The following ASAP2 variants were observed in gnomAD, a reference collection of about 807,000 sequenced individuals.
ASAP2 encodes the protein arf-GAP with SH3 domain, ANK repeat and PH domain-containing protein 2.
A neutral mutation model predicts 131.4 loss-of-function variants in ASAP2; 45 were observed. The observed-to-expected ratio is 0.34, with a 90% CI of 0.27 to 0.44. The LOEUF (loss-of-function observed/expected upper bound fraction) is 0.44. ASAP2 is among the 20% of genes least tolerant of loss of function. ASAP2 has a pLI of 1.00. For synonymous variants in ASAP2, 510 were observed against 503.0 expected, an observed-to-expected ratio of 1.01 and a Z score of -0.19; for missense variants, 1,011 against 1,297.0, an observed-to-expected ratio of 0.78 and a Z score of 3.39.
At chr2:9,337,915 A>G (rs566889890) in intron 9 of ASAP2, among the ~76,000 whole-genome samples, 30 of 152,286 alleles carry the variant, frequency 2.0e-4, no homozygotes, top group African/African-American at 6.7e-4. Context: ...TGCAGTGACC[A>G]CCCATAGTGC....
intron 8 of ASAP2, 81 bp downstream of exon 8, chr2:9,334,894 TC>T (rs1671096287): frequency 1.3e-5 from 19 of 1,503,122 alleles, no homozygotes; most frequent in Non-Finnish European, 1.5e-5. Flanking sequence ...TTCTGTGTAA[TC>T]CTGTGTTTTC....
At chr2:9,324,225 C>CAA (rs1670342830) in intron 6 of ASAP2, among the ~76,000 whole-genome samples, 2 of 152,194 alleles carry the variant, frequency 1.3e-5, no homozygotes, top group African/African-American at 4.8e-5. Flanking sequence ...GAGCTTAACC[C>CAA]TTATAAATAC....
chr2:9,378,292 A>C (rs2148728598), intron 18 of ASAP2, among the ~76,000 whole-genome samples: 1 of 152,250 alleles, frequency 6.6e-6, no homozygotes, highest in Admixed American at 6.5e-5. Flanking sequence ...GGCCTGTCCC[A>C]TGTCTGCCAA....
intron 16 of ASAP2, among the ~76,000 whole-genome samples, chr2:9,369,086 T>C (rs1253193692): frequency 6.6e-6 from 1 of 151,224 alleles, no homozygotes; most frequent in Non-Finnish European, 1.5e-5. Context: ...TGGCACGATC[T>C]CGGCTCACTG....
chr2:9,353,795 AG>A (rs899498601), intron 12 of ASAP2, among the ~76,000 whole-genome samples: 16 of 152,074 alleles, frequency 1.1e-4, no homozygotes, highest in African/African-American at 3.1e-4. Context: ...GCTCCTAAAC[AG>A]GGGCTTCCCA....
At chr2:9,221,862 C>T (rs1197682115) in intron 1 of ASAP2, among the ~76,000 whole-genome samples, 18 of 152,164 alleles carry the variant, frequency 1.2e-4, no homozygotes, top group Admixed American at 1.2e-3. Context: ...GGCGCCATCT[C>T]GGCTCACTGC....
chr2:9,222,385 G>A (rs757156048), intron 1 of ASAP2, among the ~76,000 whole-genome samples: 1 of 152,164 alleles, frequency 6.6e-6, no homozygotes, highest in Non-Finnish European at 1.5e-5. Flanking sequence ...ACGGTGCTTG[G>A]TAGTCACTCA....
rs542026712 is a variant in ASAP2, at chr2:9,336,932, G to A, written c.849+1753G>A. 7.9e-5 allele frequency among the ~76,000 whole-genome samples: 12 copies of A among 152,376 alleles called. No homozygotes were observed. The South Asian group carries it at 8.3e-4, about 11-fold the overall frequency. Reference sequence around the variant, plus strand: ...CTCAGGTTTAAAATAAGGCAGAGCAGCTGCTGGGGCCAAATGGCCCTCTGG... The same window carrying A: ...CTCAGGTTTAAAATAAGGCAGAGCAACTGCTGGGGCCAAATGGCCCTCTGG... On this transcript the variant is annotated intron_variant, in intron 9 of 27. Coordinates refer to ENST00000281419, the MANE Select transcript of ASAP2 (RefSeq NM_003887.3).
chr2:9,318,732 C>T, intron 4 of ASAP2, 134 bp downstream of exon 4: 1 of 573,566 alleles, frequency 1.7e-6, no homozygotes, highest in Admixed American at 3.6e-5. Flanking sequence ...TCTCAGCTTC[C>T]TCTGATTTGC....
chr2:9,307,287 A>T (rs1443932680), intron 3 of ASAP2, among the ~76,000 whole-genome samples: 1 of 152,132 alleles, frequency 6.6e-6, no homozygotes, highest in East Asian at 1.9e-4. Context: ...GTCAGGAGCC[A>T]CACTGAGAAC....
chr2:9,377,244 G>A (rs1181611152), intron 18 of ASAP2, among the ~76,000 whole-genome samples: 1 of 152,182 alleles, frequency 6.6e-6, no homozygotes, highest in Admixed American at 6.5e-5. Context: ...GAGACACCAA[G>A]TAGATATGGC....
intron 24 of ASAP2, 63 bp from the exon 25 acceptor site, chr2:9,399,960 G>C (rs1411282680): frequency 1.8e-5 from 28 of 1,522,628 alleles, no homozygotes; most frequent in Non-Finnish European, 2.3e-5. Context: ...CTGATAAAAG[G>C]GGATGAGAAA....
In ASAP2 at chr2:9,403,289, G is replaced by A. The variant is rs1676909553; in HGVS notation, c.2983G>A (p.Ala995Thr). 6.2e-6 allele frequency: 10 copies of A among 1,613,974 alleles called. No individual in the cohort carries two copies. The highest frequency in any genetic ancestry group is 1.7e-5 in the Admixed American group (1 of 59,984). The change falls in exon 28 of 28, where the codon GCA becomes ACA. Residue 995 changes from alanine to threonine, a missense_variant. Coordinates refer to ENST00000281419, the MANE Select transcript of ASAP2 (RefSeq NM_003887.3). ...TGATGGAGATCCTGGTCGCAAAGGC[G>A]CATTCCCGGTGTCATTTGTGCACTT... ...HIDGDPGRKG[A>T]FPVSFVHFIA...
At chr2:9,313,416 C>T (rs187217559) in intron 3 of ASAP2, among the ~76,000 whole-genome samples, 2 of 152,228 alleles carry the variant, frequency 1.3e-5, no homozygotes, top group East Asian at 3.9e-4. Flanking sequence ...CACTCGTGTA[C>T]ATTCATGTTC....
Position 9,393,637 on chromosome 2 carries a change from C to T in ASAP2, c.2674C>T (p.Pro892Ser), listed in dbSNP as rs1377682660. 6.3e-7 allele frequency: 1 copy of T among 1,575,938 alleles called. No individual in the cohort carries two copies. The highest frequency in any genetic ancestry group is 8.6e-7 in the Non-Finnish European group (1 of 1,164,678). ...GCCCAGCCGCCTCCCGCAGAAGAAGCCTGCGCCGGGGTAAGCCACCCCCAG... is the reference window on the plus strand; with the variant it reads ...GCCCAGCCGCCTCCCGCAGAAGAAGTCTGCGCCGGGGTAAGCCACCCCCAG... ...QPPSRLPQKK[P>S]APGADKSTPL... Residue 892 changes from proline to serine, a missense_variant, in exon 24 of 28, where the codon CCT becomes TCT. This residue lies in a region of ASAP2 where 652 missense variants were observed against 698.9 expected (regional missense o/e 0.93). Coordinates refer to ENST00000281419, the MANE Select transcript of ASAP2 (RefSeq NM_003887.3).
At position 9,385,299 on chromosome 2, in the gene ASAP2, T is replaced by G; in HGVS notation, c.2071T>G (p.Trp691Gly). ...FNSHVHVEYE[W>G]RLLHEDLDES... ...TTCTCACGTTCACGTTGAATATGAA[T>G]GGCGACTACTCCACGAAGACCTGGA... is the stretch of plus-strand genomic sequence containing the variant. Residue 691 changes from tryptophan to glycine, a missense_variant, in exon 21 of 28, where the codon TGG (tryptophan) becomes GGG (glycine). This residue lies in a region of ASAP2 where 652 missense variants were observed against 698.9 expected (regional missense o/e 0.93). Coordinates refer to ENST00000281419, the MANE Select transcript of ASAP2 (RefSeq NM_003887.3). 1 of 1,614,254 alleles carries G rather than the reference T, an allele frequency of 6.2e-7. No homozygotes were observed. Among genetic ancestry groups the G allele is most frequent in the Non-Finnish European group, 8.5e-7 (1 of 1,180,040 alleles).
intron 1 of ASAP2, among the ~76,000 whole-genome samples, chr2:9,220,871 A>G (rs1029303376): frequency 6.6e-6 from 1 of 152,154 alleles, no homozygotes; most frequent in African/African-American, 2.4e-5. Context: ...TCTTTTGCAT[A>G]TGGATATATC....
chr2:9,264,981 T>A (rs1433903633), intron 1 of ASAP2, among the ~76,000 whole-genome samples: 1 of 151,814 alleles, frequency 6.6e-6, no homozygotes, highest in Admixed American at 6.6e-5. Flanking sequence ...GCAAAAAATT[T>A]GAAAATTAGC....
At chr2:9,401,530 C>T (rs1676670733) in intron 27 of ASAP2, 134 bp downstream of exon 27, 3 of 1,194,546 alleles carry the variant, frequency 2.5e-6, no homozygotes, top group South Asian at 1.6e-5. Flanking sequence ...GCCTCCGCCC[C>T]TTAGCATCCT....
Sources: gnomAD v4.1 joint callset for allele counts (sites outside exome capture counted in the v4.1 genomes callset) on GRCh38, gnomAD v4.1.1 for gene constraint, gnomAD v4.1.1 regional missense constraint, MANE v1.5 for transcripts, NCBI Gene and HGNC (gene_info 2026-07-23, HGNC 2026-07-21) for gene names.